RTN1: variants seen among roughly 807,000 people sequenced by gnomAD.
RTN1 encodes reticulon 1.
RTN1 carries 25 observed loss-of-function variants against 65.5 expected under a neutral mutation model. The observed-to-expected ratio is 0.38, with a 90% CI of 0.28 to 0.53. The LOEUF is 0.53. Among genes scored for constraint, RTN1 ranks in the 20% least tolerant of loss-of-function variants. The pLI, the probability that RTN1 is intolerant of heterozygous loss-of-function variation, is 0.79. For synonymous variants in RTN1, 471 were observed against 447.6 expected, an observed-to-expected ratio of 1.05 and a Z score of -0.66; for missense variants, 983 against 1,025.4, an observed-to-expected ratio of 0.96 and a Z score of 0.57.
At chr14:59,752,633 T>G (rs1407237842) in intron 1 of RTN1, among the ~76,000 whole-genome samples, 9 of 152,196 alleles carry the variant, frequency 5.9e-5, no homozygotes, top group African/African-American at 9.7e-5. Context: ...AGCTTATATA[T>G]GTACATGTTA....
intron 1 of RTN1, among the ~76,000 whole-genome samples, chr14:59,837,884 A>G (rs1444193185): frequency 2.0e-5 from 3 of 152,126 alleles, no homozygotes; most frequent in Admixed American, 6.5e-5. Context: ...TCAGCAAGTC[A>G]TAATCTTTTT....
intron 1 of RTN1, among the ~76,000 whole-genome samples, chr14:59,847,274 C>G (rs1005878578): frequency 6.6e-6 from 1 of 152,172 alleles, no homozygotes; most frequent in African/African-American, 2.4e-5. Context: ...ATAATAGTAT[C>G]TGGCAGGTAA....
chr14:59,830,525 G>C (rs1887106542), intron 1 of RTN1, among the ~76,000 whole-genome samples: 1 of 152,204 alleles, frequency 6.6e-6, no homozygotes, highest in Non-Finnish European at 1.5e-5. Context: ...GCCTACTAGA[G>C]AGGTGCCTCC....
chr14:59,870,263 G>A lies in RTN1; in HGVS notation c.241+127C>T. 4.3e-6 allele frequency: 4 copies of A among 932,080 alleles called. No homozygotes were observed. Among genetic ancestry groups the A allele is most frequent in the Non-Finnish European group, 5.7e-6 (4 of 700,356 alleles). 57.7% of individuals were successfully genotyped at this position (932,080 alleles called of 1,614,324 possible). ...AATATTCCCAGTCGCCCGTGGCGAC[G>A]CGGGGGTGGGGTCGGCGCTCAAGGC... On this transcript the variant is annotated intron_variant, in intron 1 of 8. Transcript: ENST00000267484. This position sits in a 1 kb window ranked among gnomAD's most constrained non-coding sequence, Gnocchi z 5.1.
chr14:59,607,422 G>A lies in RTN1; in HGVS notation c.1836C>T (p.Leu612=). The change falls in exon 4 of 9, where the codon CTC becomes CTT. Residue 612 remains leucine (L), a synonymous_variant. Coordinates refer to ENST00000267484, the MANE Select transcript of RTN1 (RefSeq NM_021136.3). ...CCACGCTGAACTGGGTCAGGGAGAAGAGCAGCAGCAGGAAACTCCCAAACA... is the reference window on the plus strand; with the variant it reads ...CCACGCTGAACTGGGTCAGGGAGAAAAGCAGCAGCAGGAAACTCCCAAACA... The part of the protein sequence containing the change: ...GIVFGSFLLL[L]FSLTQFSVVS... 1 of 1,613,760 alleles carries A rather than the reference G, an allele frequency of 6.2e-7. No homozygotes were observed. Among genetic ancestry groups the A allele is most frequent in the Non-Finnish European group, 8.5e-7 (1 of 1,179,884 alleles).
chr14:59,668,607 T>A (rs1043171193), intron 3 of RTN1, among the ~76,000 whole-genome samples: 1 of 152,000 alleles, frequency 6.6e-6, no homozygotes, highest in Non-Finnish European at 1.5e-5. Context: ...ACAAATGGGA[T>A]CTAATTAAAC....
chr14:59,854,017 A>G (rs1247968642), intron 1 of RTN1, among the ~76,000 whole-genome samples: 1 of 151,852 alleles, frequency 6.6e-6, no homozygotes. Context: ...GGCATGAGCC[A>G]CCACCTCCGG....
chr14:59,833,365 G>C (rs1274283235), intron 1 of RTN1, among the ~76,000 whole-genome samples: 3 of 152,172 alleles, frequency 2.0e-5, no homozygotes, highest in Non-Finnish European at 4.4e-5. Context: ...ATAAGTCTAA[G>C]AGGGACAGAA....
At chr14:59,632,348 G>A (rs532725217) in intron 3 of RTN1, among the ~76,000 whole-genome samples, 3 of 151,856 alleles carry the variant, frequency 2.0e-5, no homozygotes, top group East Asian at 1.9e-4. Context: ...TCATTGCCAC[G>A]TCATTTTTGG....
At chr14:59,716,657 T>C (rs1884539463) in intron 3 of RTN1, among the ~76,000 whole-genome samples, 2 of 152,064 alleles carry the variant, frequency 1.3e-5, no homozygotes, top group Non-Finnish European at 1.5e-5. Context: ...ATTGTAAAGT[T>C]CAAATTGTGG....
Position 59,789,472 on chromosome 14 carries a change from A to T in RTN1, c.242-42991T>A, listed in dbSNP as rs187833297. On this transcript the variant is annotated intron_variant, in intron 1 of 8. Transcript: ENST00000267484. ...TTAGGTGTTTTTATCCTTTAAAATA[A>T]TCGACAAAGGAAAACAAAATTAATT... Among the ~76,000 whole-genome samples the T allele has an allele frequency of 1.8e-3, 279 of 152,292 alleles. 2 individuals are homozygous for T. Among genetic ancestry groups the T allele is most frequent in the Admixed American group, 0.014 (208 of 15,294 alleles).
intron 3 of RTN1, among the ~76,000 whole-genome samples, chr14:59,695,656 A>G (rs1884048259): frequency 6.6e-6 from 1 of 152,162 alleles, no homozygotes; most frequent in Non-Finnish European, 1.5e-5. Flanking sequence ...ATTTGTTACA[A>G]ACTAGAAAAA....
chr14:59,837,672 T>C (rs1887236898), intron 1 of RTN1, among the ~76,000 whole-genome samples: 1 of 152,072 alleles, frequency 6.6e-6, no homozygotes, highest in Admixed American at 6.5e-5. Context: ...AAAAACTGGC[T>C]TCACATGTAA....
rs548674726 is a variant in RTN1 at position 59,864,829 on chromosome 14, C to T, written c.241+5561G>A. On this transcript the variant is annotated intron_variant, in intron 1 of 8. Coordinates refer to ENST00000267484, the MANE Select transcript of RTN1 (RefSeq NM_021136.3). The stretch of plus-strand genomic sequence containing the variant: ...TGTGTATGTATTTTCTACCCACCCC[C>T]AATTTTTAAATCGGGACAAAAATAA... Among the ~76,000 whole-genome samples the T allele has an allele frequency of 7.2e-5, 11 of 152,260 alleles. No homozygotes were observed. In the South Asian group the frequency reaches 2.3e-3, roughly 32 times the overall value.
At chr14:59,767,528 G>A (rs1369836840) in intron 1 of RTN1, among the ~76,000 whole-genome samples, 1 of 152,110 alleles carries the variant, frequency 6.6e-6, no homozygotes, top group Non-Finnish European at 1.5e-5. Flanking sequence ...CTTTGTTATG[G>A]CAGCTTAGCC....
chr14:59,829,737 G>A lies in RTN1; in HGVS notation c.241+40653C>T, dbSNP rs1887094153. Among the ~76,000 whole-genome samples, 1 of 152,314 alleles carries A rather than the reference G, an allele frequency of 6.6e-6. No individual in the cohort carries two copies. Among genetic ancestry groups the A allele is most frequent in the South Asian group, 2.1e-4 (1 of 4,824 alleles). ...CTCCTGTGCTTCCACAAAGCAAGAG[G>A]AAGGAAATGTGGTGAAGCACATACT... is the stretch of plus-strand genomic sequence containing the variant. On this transcript the variant is annotated intron_variant, in intron 1 of 8. Transcript: ENST00000267484. This position sits in a 1 kb window ranked among gnomAD's most constrained non-coding sequence, Gnocchi z 4.3.
At chr14:59,626,191 G>A (rs1448962628) in intron 3 of RTN1, among the ~76,000 whole-genome samples, 7 of 152,062 alleles carry the variant, frequency 4.6e-5, no homozygotes, top group South Asian at 2.1e-4. Context: ...TTATTTCCTC[G>A]GTGTATTCTG....
chr14:59,714,222 A>C (rs1037848733), intron 3 of RTN1, among the ~76,000 whole-genome samples: 3 of 149,922 alleles, frequency 2.0e-5, no homozygotes, highest in Admixed American at 1.3e-4. Context: ...TGACAGAGTG[A>C]GACTCCGTCT....
At chr14:59,869,582 G>C (rs1049688638) in intron 1 of RTN1, among the ~76,000 whole-genome samples, 3 of 110,270 alleles carry the variant, frequency 2.7e-5, no homozygotes, top group African/African-American at 4.6e-5. Context: ...TCCGGGGTGG[G>C]GGGGGGGGGG....
Sources: gnomAD v4.1 joint callset for allele counts (sites outside exome capture counted in the v4.1 genomes callset) on GRCh38, gnomAD v4.1.1 for gene constraint, Gnocchi (gnomAD v3.1) non-coding constraint, MANE v1.5 for transcripts, NCBI Gene and HGNC (gene_info 2026-07-23, HGNC 2026-07-21) for gene names.